The following KRT7 variants were observed in gnomAD, a reference collection of about 807,000 sequenced individuals.
KRT7 encodes keratin 7.
In KRT7, 50 loss-of-function variants were observed where a neutral mutation model predicts 42.8. That is an observed-to-expected ratio of 1.17 (90% CI 0.93 to 1.48). The LOEUF is 1.48. Among genes scored for constraint, KRT7 ranks in the 40% most tolerant of loss-of-function variants. The pLI, the probability that KRT7 is intolerant of heterozygous loss-of-function variation, is 0.00. For synonymous variants in KRT7, 268 were observed against 266.3 expected, an observed-to-expected ratio of 1.01 and a Z score of -0.06; for missense variants, 588 against 637.6, an observed-to-expected ratio of 0.92 and a Z score of 0.84.
intron 7 of KRT7, among the ~76,000 whole-genome samples, chr12:52,246,650 G>A (rs994401209): frequency 9.2e-5 from 14 of 152,248 alleles, no homozygotes; most frequent in South Asian, 6.2e-4. Context: ...CTGCTGACCC[G>A]CCTTCTCCCT....
Position 52,248,763 on chromosome 12 carries a change from C to T in KRT7, c.*3C>T, listed in dbSNP as rs372652060. On this transcript the variant is annotated 3_prime_UTR_variant, in exon 9 of 9. Coordinates refer to ENST00000331817, the MANE Select transcript of KRT7 (RefSeq NM_005556.4). ...GTCGCAGGAGTGCCCGCGACTGAGCCGCCTCCCACCACTCCACTCCTCCAG... is the reference window on the plus strand; with the variant it reads ...GTCGCAGGAGTGCCCGCGACTGAGCTGCCTCCCACCACTCCACTCCTCCAG... 24 of 1,544,076 alleles carry T rather than the reference C, an allele frequency of 1.6e-5. No individual in the cohort carries two copies. The highest frequency in any genetic ancestry group is 1.2e-4 in the African/African-American group (9 of 72,580).
intron 6 of KRT7, chr12:52,244,491 C>A (rs1314688875): frequency 2.0e-6 from 2 of 985,714 alleles, no homozygotes; most frequent in South Asian, 9.4e-5. Flanking sequence ...TGTGACAGGG[C>A]AGGGCACCGA....
At chr12:52,248,145 A>G in intron 7 of KRT7, 32 bp from the exon 8 acceptor site, 2 of 1,611,622 alleles carry the variant, frequency 1.2e-6, no homozygotes, top group Non-Finnish European at 1.7e-6. Flanking sequence ...GCTAGGAAAG[A>G]GCCGTCCTCA....
chr12:52,236,967 CCTT>C (rs1419591323), intron 2 of KRT7, among the ~76,000 whole-genome samples: 1 of 152,156 alleles, frequency 6.6e-6, no homozygotes, highest in East Asian at 1.9e-4. Flanking sequence ...CCTTCAGACT[CCTT>C]CTTTGCCCCT....
At chr12:52,252,104 G>T, downstream of KRT7, 2 of 980,366 alleles carry the variant, frequency 2.0e-6, no homozygotes, top group Non-Finnish European at 3.1e-6. Flanking sequence ...GGGGAGCAAA[G>T]CTGGTGAAAT....
rs906512215 is a variant in KRT7 at position 52,244,696 on chromosome 12, C to T, written c.985-716C>T. 1.2e-5 allele frequency: 11 copies of T among 952,650 alleles called. No homozygotes were observed. In the African/African-American group the frequency reaches 1.9e-4, roughly 17 times the overall value. 59.0% of individuals were successfully genotyped at this position (952,650 alleles called of 1,614,324 possible). A position where few individuals can be genotyped will look rare whatever the true frequency, so the allele number is the denominator to read the frequency against. ...AAGATGAGGCCTGGGACTATTCAGG[C>T]TCCTGGCAGTGGGGGCTGAGCCTAA... On this transcript the variant is annotated intron_variant, in intron 6 of 8. Transcript: ENST00000331817.
intron 6 of KRT7, chr12:52,244,568 CTG>C: frequency 1.0e-6 from 1 of 985,762 alleles, no homozygotes; most frequent in East Asian, 1.1e-4. Flanking sequence ...GAGAGGCAGA[CTG>C]CCTCCACTGA....
chr12:52,234,127 A>AGGGGGGGGGGG (rs574825664), intron 1 of KRT7, among the ~76,000 whole-genome samples: 2 of 82,844 alleles, frequency 2.4e-5, no homozygotes, highest in African/African-American at 4.9e-5. Flanking sequence ...GGGGCGGGGG[A>AGGGGGGGGGGG]GGGGGGGGGG....
chr12:52,252,135 C>G (rs1565725526), downstream of KRT7: 1 of 1,222,262 alleles, frequency 8.2e-7, no homozygotes. Flanking sequence ...TGCAAATTCT[C>G]TCCTCCAATT....
rs771206014 is a variant in KRT7, at chr12:52,233,261, C to T, written c.-36C>T. 3 of 1,468,676 alleles carry T rather than the reference C, an allele frequency of 2.0e-6. No homozygotes were observed. The highest frequency in any genetic ancestry group is 1.8e-6 in the Non-Finnish European group (2 of 1,108,246). 91.0% of individuals were successfully genotyped at this position (1,468,676 alleles called of 1,614,324 possible). On this transcript the variant is annotated 5_prime_UTR_variant, in exon 1 of 9. Transcript: ENST00000331817. ...CGAGGTCAGCGAGTGCGCGCTCCTC[C>T]TCGCCCGCCGCTAGGTCCATCCCGG...
At chr12:52,250,391 AC>A, downstream of KRT7, 1 of 391,368 alleles carries the variant, frequency 2.6e-6, no homozygotes, top group South Asian at 2.3e-5. Context: ...ACGTCTGGGG[AC>A]CGTGGGAGCT....
At chr12:52,239,097 T>A (rs997073611) in intron 4 of KRT7, among the ~76,000 whole-genome samples, 2 of 152,160 alleles carry the variant, frequency 1.3e-5, no homozygotes, top group Admixed American at 6.5e-5. Context: ...CTGGACGTTG[T>A]CTATTGGTTG....
chr12:52,251,688 C>T, downstream of KRT7: 2 of 305,756 alleles, frequency 6.5e-6, no homozygotes, highest in South Asian at 6.1e-5. Flanking sequence ...TTCCATCCAT[C>T]CTTGACCTAA....
chr12:52,237,756 G>T (rs1434813505), intron 3 of KRT7, 187 bp downstream of exon 3: 8 of 464,796 alleles, frequency 1.7e-5, no homozygotes, highest in Non-Finnish European at 3.1e-5. Flanking sequence ...GTGTGTGTGT[G>T]TGTGTGGTGA....
At chr12:52,237,179 C>T (rs1942022410) in intron 2 of KRT7, among the ~76,000 whole-genome samples, 1 of 152,156 alleles carries the variant, frequency 6.6e-6, no homozygotes, top group Admixed American at 6.5e-5. Context: ...ATAAGAAGCA[C>T]ATAATGGTGC....
intron 2 of KRT7, 52 bp from the exon 3 acceptor site, chr12:52,237,457 A>T: frequency 7.5e-7 from 1 of 1,330,674 alleles, no homozygotes; most frequent in South Asian, 1.3e-5. Context: ...CGGAGGGGGG[A>T]CGGGAGCATG....
At chr12:52,236,314 T>G (rs767499850) in intron 2 of KRT7, among the ~76,000 whole-genome samples, 1 of 151,972 alleles carries the variant, frequency 6.6e-6, no homozygotes, top group Non-Finnish European at 1.5e-5. Context: ...CAGCCCCTGT[T>G]GTCAGGACTA....
chr12:52,237,095 T>G (rs769587317), intron 2 of KRT7, among the ~76,000 whole-genome samples: 1 of 152,234 alleles, frequency 6.6e-6, no homozygotes, highest in Non-Finnish European at 1.5e-5. Context: ...TGCCTCTCTG[T>G]GTCTCTGTTC....
At position 52,243,051 on chromosome 12, in the gene KRT7, G is replaced by C; in HGVS notation, c.898G>C (p.Asp300His). The C allele has an allele frequency of 6.2e-7, 1 of 1,613,826 alleles. No individual in the cohort carries two copies. The highest frequency in any genetic ancestry group is 8.5e-7 in the Non-Finnish European group (1 of 1,179,840). ...LQAQAGKHGD[D>H]LRNTRNEISE... ...GGCCCAGGCTGGGAAGCATGGGGACGACCTCCGGAATACCCGGAATGAGAT... is the reference window on the plus strand; with the variant it reads ...GGCCCAGGCTGGGAAGCATGGGGACCACCTCCGGAATACCCGGAATGAGAT... Residue 300 changes from aspartate to histidine, a missense_variant, in exon 6 of 9, where the codon GAC becomes CAC. Coordinates refer to ENST00000331817, the MANE Select transcript of KRT7 (RefSeq NM_005556.4).
Sources: allele counts gnomAD v4.1 joint callset (sites outside exome capture counted in the v4.1 genomes callset), GRCh38; gene constraint gnomAD v4.1.1; transcripts MANE v1.5; gene names NCBI Gene and HGNC (gene_info 2026-07-23, HGNC 2026-07-21).